Variants in DMD observed in about 807,000 individuals in gnomAD.
DMD encodes mutant dystrophin.
In DMD, 63 loss-of-function variants were observed where a neutral mutation model predicts 330.1. That is an observed-to-expected ratio of 0.19 (90% CI 0.16 to 0.24). DMD has a LOEUF of 0.24. Ranked by LOEUF, DMD falls within the 10% of genes least tolerant of loss-of-function variation. The pLI is 1.00. For missense variants in DMD, 3,344 were observed against 2,684.1 expected (o/e 1.25, Z -5.43); for synonymous variants, 1,223 against 959.8 (o/e 1.27, Z -5.07).
chrX:31,579,179 G>T (rs2076235276), intron 55 of DMD, among the ~76,000 whole-genome samples: 1 of 112,354 alleles, frequency 8.9e-6, no homozygotes, highest in Non-Finnish European at 1.9e-5. Context: ...TTAGCTGAGG[G>T]AGATCTGGAG....
chrX:31,245,531 T>C (rs1882262), intron 63 of DMD, among the ~76,000 whole-genome samples: 26,987 of 111,176 alleles, frequency 0.24, 2,523 homozygotes, highest in East Asian at 0.47. Flanking sequence ...TTTGTGAAAA[T>C]TGCATTGTTT....
At chrX:32,831,156 G>T (rs917330056) in intron 4 of DMD, among the ~76,000 whole-genome samples, 5 of 110,530 alleles carry the variant, frequency 4.5e-5, no homozygotes, top group Non-Finnish European at 9.5e-5. Context: ...GGGCTATGAG[G>T]AACAATTCTC....
chrX:32,797,457 A>T (rs2076257890), intron 7 of DMD, among the ~76,000 whole-genome samples: 2 of 112,731 alleles, frequency 1.8e-5, no homozygotes, highest in African/African-American at 6.4e-5. Context: ...CTCATTTACC[A>T]TCATTAGAAT....
intron 67 of DMD, among the ~76,000 whole-genome samples, chrX:31,199,774 T>C (rs1178713474): frequency 8.9e-6 from 1 of 112,215 alleles, no homozygotes; most frequent in African/African-American, 3.2e-5. Context: ...AATGCACTTG[T>C]AGGATAAACA....
At chrX:33,031,152 C>T (rs2094104131) in intron 1 of DMD, among the ~76,000 whole-genome samples, 1 of 111,313 alleles carries the variant, frequency 9.0e-6, no homozygotes, top group African/African-American at 3.3e-5. Context: ...CAAGCATCCA[C>T]ATCTCTCTGT....
intron 63 of DMD, among the ~76,000 whole-genome samples, chrX:31,253,632 G>C (rs1180851396): frequency 8.9e-6 from 1 of 111,842 alleles, no homozygotes; most frequent in Non-Finnish European, 1.9e-5. Flanking sequence ...GCAAATTGCT[G>C]ATTTATAATG....
rs1468926848 is a variant in DMD, at chrX:33,156,946, C to G, written c.31+54336G>C. On this transcript the variant is annotated intron_variant, in intron 1 of 78. Transcript: ENST00000357033. ...TTTAATGTCCTTTGAAATTATTACT[C>G]TAGTCATGCATTATACGATAAAAGA... is the stretch of plus-strand genomic sequence containing the variant. 2.7e-5 allele frequency among the ~76,000 whole-genome samples: 3 copies of G among 111,663 alleles called. No homozygotes were observed. The East Asian group carries it at 8.4e-4, about 31-fold the overall frequency.
intron 7 of DMD, among the ~76,000 whole-genome samples, chrX:32,797,527 G>A (rs907433818): frequency 8.9e-5 from 10 of 112,225 alleles, no homozygotes; most frequent in East Asian, 8.4e-4. Flanking sequence ...ATCAACTATA[G>A]AACACTTTTC....
At chrX:31,572,048 G>T (rs1034977909) in intron 55 of DMD, among the ~76,000 whole-genome samples, 1 of 110,548 alleles carries the variant, frequency 9.0e-6, no homozygotes, top group African/African-American at 3.3e-5. Context: ...TTAATACCTC[G>T]GTGGTGAAAT....
At position 31,121,692 on chromosome X, in the gene DMD, TAG is replaced by T; in HGVS notation, c.*225_*226del. The T allele has an allele frequency of 2.0e-6, 1 of 488,490 alleles. No individual in the cohort carries two copies. 40.3% of individuals were successfully genotyped at this position (488,490 alleles called of 1,213,427 possible). A position where few individuals can be genotyped will look rare whatever the true frequency, so the allele number is the denominator to read the frequency against. ...ATTGTTAACAAAACAATAACAGACT[TAG>T]AAACTACTGAAATCTACAGTATAAT... On this transcript the variant is annotated 3_prime_UTR_variant, in exon 79 of 79. Coordinates refer to ENST00000357033, the MANE Select transcript of DMD (RefSeq NM_004006.3).
At chrX:32,543,977 A>C (rs2048730856) in intron 17 of DMD, among the ~76,000 whole-genome samples, 1 of 112,264 alleles carries the variant, frequency 8.9e-6, no homozygotes, top group African/African-American at 3.2e-5. Context: ...TGAAATTTGA[A>C]TTTTATGTAA....
intron 2 of DMD, among the ~76,000 whole-genome samples, chrX:32,935,614 G>A (rs2089960631): frequency 8.9e-6 from 1 of 111,880 alleles, no homozygotes; most frequent in Admixed American, 9.5e-5. Flanking sequence ...GAGACACTCA[G>A]TGTAAATTGA....
intron 52 of DMD, among the ~76,000 whole-genome samples, chrX:31,728,354 G>A (rs5927820): frequency 0.51 from 56,261 of 110,612 alleles, 11,251 homozygotes; most frequent in African/African-American, 0.74. Flanking sequence ...CTGTTTTCTC[G>A]TCTATAAAAT....
intron 44 of DMD, among the ~76,000 whole-genome samples, chrX:32,047,362 C>A (rs907016577): frequency 3.6e-5 from 4 of 111,191 alleles, no homozygotes; most frequent in Non-Finnish European, 7.6e-5. Context: ...TCTCTCCCAT[C>A]CTAATAACCA....
At chrX:31,401,806 C>A (rs939052878) in intron 60 of DMD, among the ~76,000 whole-genome samples, 2 of 110,941 alleles carry the variant, frequency 1.8e-5, no homozygotes, top group Admixed American at 9.7e-5. Context: ...GTTTTTAGCT[C>A]CCCTGCTATT....
rs1060502639 is a variant in DMD, at chrX:32,485,057, G to C, written c.2665C>G (p.Arg889Gly). Residue 889 changes from arginine (R) to glycine (G), a missense_variant, in exon 21 of 79, where the codon CGA becomes GGA. Arg to Gly is a moderately radical substitution (Grantham distance 125). Coordinates refer to ENST00000357033, the MANE Select transcript of DMD (RefSeq NM_004006.3). ...RLSDLQPQIE[R>G]LKIQSIALKE... Reference sequence around the variant, plus strand: ...AGGGCTATGCTTTGAATTTTTAATCGTTCAATTTGAGGTTGAAGATCTGAT... The same window carrying C: ...AGGGCTATGCTTTGAATTTTTAATCCTTCAATTTGAGGTTGAAGATCTGAT... The C allele has an allele frequency of 1.7e-6, 2 of 1,211,064 alleles. No individual in the cohort carries two copies. Among genetic ancestry groups the C allele is most frequent in the Non-Finnish European group, 2.2e-6 (2 of 895,096 alleles).
chrX:32,497,416 CTTAA>C (rs1299338572), intron 19 of DMD, among the ~76,000 whole-genome samples: 1 of 111,791 alleles, frequency 8.9e-6, no homozygotes, highest in Non-Finnish European at 1.9e-5. Context: ...TCCTTAGACT[CTTAA>C]TTAACACACA....
At chrX:32,456,952 G>A (rs1322771120) in intron 25 of DMD, among the ~76,000 whole-genome samples, 16 of 49,428 alleles carry the variant, frequency 3.2e-4, no homozygotes, top group African/African-American at 9.6e-4. Flanking sequence ...AAAGGGTCCA[G>A]ATTGTTAAAA....
At chrX:31,724,163 G>A (rs772782577) in intron 52 of DMD, among the ~76,000 whole-genome samples, 1 of 112,280 alleles carries the variant, frequency 8.9e-6, no homozygotes, top group East Asian at 2.8e-4. Flanking sequence ...TCAAAAGAAG[G>A]AAATTTATAT....
Sources: gnomAD v4.1 joint callset for allele counts (sites outside exome capture counted in the v4.1 genomes callset) on GRCh38, gnomAD v4.1.1 for gene constraint, MANE v1.5 for transcripts, NCBI Gene and HGNC (gene_info 2026-07-23, HGNC 2026-07-21) for gene names.